The following SUGCT variants were observed in gnomAD, a reference collection of about 807,000 sequenced individuals.
SUGCT encodes succinyl-CoA:glutarate-CoA transferase, also known as succinyl-CoA:glutarate CoA-transferase.
In SUGCT, 41 loss-of-function variants were observed where a neutral mutation model predicts 55.0. The observed-to-expected ratio is 0.74, with a 90% CI of 0.58 to 0.97. The LOEUF is 0.97. Ranked by LOEUF, SUGCT falls within the 50% of genes least tolerant of loss-of-function variation. SUGCT has a pLI of 0.00. For synonymous variants in SUGCT, 187 were observed against 200.4 expected, an observed-to-expected ratio of 0.93 and a Z score of 0.56; for missense variants, 568 against 547.8, an observed-to-expected ratio of 1.04 and a Z score of -0.37.
chr7:41,030,072 C>T, the SUGCT span, among the ~76,000 whole-genome samples: 1 of 152,172 alleles, frequency 6.6e-6, no homozygotes, highest in African/African-American at 2.4e-5. Flanking sequence ...TTCTCCATGT[C>T]TTTTCATGGC....
chr7:40,458,255 A>G (rs1789592911), intron 10 of SUGCT, among the ~76,000 whole-genome samples: 1 of 152,182 alleles, frequency 6.6e-6, no homozygotes, highest in Non-Finnish European at 1.5e-5. Flanking sequence ...GGCTGTAAAT[A>G]CTCCTTGTGA....
chr7:40,726,140 G>A (rs189852360), intron 12 of SUGCT, among the ~76,000 whole-genome samples: 4 of 152,162 alleles, frequency 2.6e-5, no homozygotes, highest in Admixed American at 6.5e-5. Context: ...AGGTTCCTAC[G>A]CAGGAACGGT....
At chr7:40,344,593 C>T (rs1442045087) in intron 9 of SUGCT, among the ~76,000 whole-genome samples, 1 of 152,156 alleles carries the variant, frequency 6.6e-6, no homozygotes. Flanking sequence ...GCTAAAATAA[C>T]GGAGTTGAGC....
chr7:40,297,991 C>A (rs527625857), intron 8 of SUGCT, among the ~76,000 whole-genome samples: 3 of 151,340 alleles, frequency 2.0e-5, no homozygotes, highest in Admixed American at 6.6e-5. Flanking sequence ...TCTCATGTAA[C>A]CTCAAAACAT....
chr7:40,794,669 T>C (rs1790463189), intron 13 of SUGCT, among the ~76,000 whole-genome samples: 1 of 152,182 alleles, frequency 6.6e-6, no homozygotes, highest in East Asian at 1.9e-4. Context: ...ATTTGCTGTG[T>C]GTACTGGATC....
At chr7:40,663,480 G>GGT (rs1284850752) in intron 12 of SUGCT, among the ~76,000 whole-genome samples, 21 of 136,430 alleles carry the variant, frequency 1.5e-4, no homozygotes, top group Admixed American at 5.7e-4. Context: ...ATTACTTTGT[G>GGT]GTGTATGTGT....
At chr7:40,323,449 G>A (rs1683852600) in intron 9 of SUGCT, among the ~76,000 whole-genome samples, 1 of 152,102 alleles carries the variant, frequency 6.6e-6, no homozygotes, top group Non-Finnish European at 1.5e-5. Context: ...GTCCAGGCTG[G>A]AGTAGTGGTG....
intron 13 of SUGCT, among the ~76,000 whole-genome samples, chr7:40,777,780 C>A (rs974216490): frequency 6.6e-6 from 1 of 152,048 alleles, no homozygotes; most frequent in South Asian, 2.1e-4. Flanking sequence ...ACTTAAGTTG[C>A]CTCCTGTGAA....
chr7:40,310,987 T>C (rs954697168), intron 8 of SUGCT, among the ~76,000 whole-genome samples: 1 of 152,222 alleles, frequency 6.6e-6, no homozygotes, highest in African/African-American at 2.4e-5. Flanking sequence ...TCCTGCCTAA[T>C]TGATTATATC....
chr7:40,933,867 G>A, the SUGCT span, among the ~76,000 whole-genome samples: 11 of 152,230 alleles, frequency 7.2e-5, no homozygotes, highest in East Asian at 1.4e-3. Context: ...GCTTCCTTGC[G>A]ATGGGTTAGA....
chr7:40,865,577 G>GCCCAGACACTTTGTTCTGGC (rs2128812034), downstream of SUGCT, among the ~76,000 whole-genome samples: 1 of 152,230 alleles, frequency 6.6e-6, no homozygotes, highest in South Asian at 2.1e-4. Context: ...TTCGTTCCAG[G>GCCCAGACACTTTGTTCTGGC]CCCAGACACT....
At chr7:40,391,213 C>G (rs1339063232) in intron 9 of SUGCT, among the ~76,000 whole-genome samples, 1 of 152,174 alleles carries the variant, frequency 6.6e-6, no homozygotes, top group Non-Finnish European at 1.5e-5. Context: ...CCATTCAGGA[C>G]ATAGGCAAGG....
chr7:40,924,893 G>C, the SUGCT span, among the ~76,000 whole-genome samples: 3 of 152,188 alleles, frequency 2.0e-5, no homozygotes, highest in African/African-American at 7.2e-5. Context: ...GTCATTATGT[G>C]TAACTATAGC....
intron 13 of SUGCT, among the ~76,000 whole-genome samples, chr7:40,779,076 ACTGGGTGGTG>A (rs1477542403): frequency 6.6e-6 from 1 of 151,958 alleles, no homozygotes; most frequent in East Asian, 1.9e-4. Context: ...GATGTTCTAC[ACTGGGTGGTG>A]CTGGTTCTGT....
At position 40,695,819 on chromosome 7, in the gene SUGCT, C is replaced by G. The variant is rs141816523; in HGVS notation, c.1090-53615C>G. On this transcript the variant is annotated intron_variant, in intron 12 of 13. Coordinates refer to ENST00000335693, the MANE Select transcript of SUGCT (RefSeq NM_001193313.2). ...TCTACTCACTAGATGCCGGTAGGAACCCCTTCACTCTAGTTTGTGACAATC... is the reference window on the plus strand; with the variant it reads ...TCTACTCACTAGATGCCGGTAGGAAGCCCTTCACTCTAGTTTGTGACAATC... Among the ~76,000 whole-genome samples, 81 of 152,224 alleles carry G rather than the reference C, an allele frequency of 5.3e-4. No homozygotes were observed. In the East Asian group the frequency reaches 0.013, roughly 25 times the overall value.
intron 11 of SUGCT, among the ~76,000 whole-genome samples, chr7:40,483,510 A>G (rs902539995): frequency 2.6e-5 from 4 of 152,200 alleles, no homozygotes; most frequent in Admixed American, 6.5e-5. Flanking sequence ...TTAAACCAAC[A>G]CAAAAGCAAA....
intron 13 of SUGCT, among the ~76,000 whole-genome samples, chr7:40,801,741 T>C (rs1790825545): frequency 6.6e-6 from 1 of 152,130 alleles, no homozygotes; most frequent in Admixed American, 6.5e-5. Context: ...AACTCATGTT[T>C]ATATACCTTG....
chr7:40,820,438 C>T (rs927505922), intron 13 of SUGCT, among the ~76,000 whole-genome samples: 129 of 151,936 alleles, frequency 8.5e-4, no homozygotes, highest in Non-Finnish European at 1.6e-3. Context: ...TCTTTTATTT[C>T]GTTGAGCAGT....
At chr7:40,881,648 C>T in the SUGCT span, among the ~76,000 whole-genome samples, 3 of 152,222 alleles carry the variant, frequency 2.0e-5, no homozygotes, top group Non-Finnish European at 4.4e-5. Flanking sequence ...AGTAAAGCAG[C>T]AGGCTGGGAA....
Sources: allele counts gnomAD v4.1 joint callset (sites outside exome capture counted in the v4.1 genomes callset), GRCh38; gene constraint gnomAD v4.1.1; transcripts MANE v1.5; gene names NCBI Gene and HGNC (gene_info 2026-07-23, HGNC 2026-07-21).